The following NOL4L variants were observed in gnomAD, a reference collection of about 807,000 sequenced individuals.
The protein encoded by NOL4L is nucleolar protein 4 like, also known as nucleolar protein 4-like.
NOL4L carries 7 observed loss-of-function variants against 64.5 expected under a neutral mutation model. The ratio of observed to expected loss-of-function variants is 0.11; its 90% CI spans 0.06 to 0.20. NOL4L has a LOEUF of 0.20. Ranked by LOEUF, NOL4L falls within the 10% of genes least tolerant of loss-of-function variation. NOL4L has a pLI of 1.00. For missense variants in NOL4L, 680 were observed against 967.1 expected, an observed-to-expected ratio of 0.70 and a Z score of 3.94; for synonymous variants, 413 against 401.0, an observed-to-expected ratio of 1.03 and a Z score of -0.36.
intron 1 of NOL4L, among the ~76,000 whole-genome samples, chr20:32,569,112 G>A (rs532796583): frequency 1.3e-5 from 2 of 152,242 alleles, no homozygotes; most frequent in East Asian, 3.9e-4. Context: ...ATGTTCATAA[G>A]GGCTCCAAAG....
At chr20:32,501,053 G>A (rs550454191) in intron 4 of NOL4L, among the ~76,000 whole-genome samples, 61 of 152,228 alleles carry the variant, frequency 4.0e-4, no homozygotes, top group African/African-American at 1.3e-3. Context: ...GGCTGCACAC[G>A]GTGCCTTCCT....
intron 2 of NOL4L, among the ~76,000 whole-genome samples, chr20:32,522,381 GTC>G (rs2017977217): frequency 6.6e-6 from 1 of 152,268 alleles, no homozygotes; most frequent in Non-Finnish European, 1.5e-5. Flanking sequence ...AAACCCCAGT[GTC>G]TCTGACTGGA....
intron 1 of NOL4L, among the ~76,000 whole-genome samples, chr20:32,575,697 C>T (rs1365242730): frequency 1.3e-5 from 2 of 152,226 alleles, no homozygotes; most frequent in Non-Finnish European, 2.9e-5. Flanking sequence ...CCTGCTAGTG[C>T]TCATGGCCTT....
chr20:32,454,597 CACCT>C (rs1319503888), intron 6 of NOL4L, among the ~76,000 whole-genome samples: 1 of 152,248 alleles, frequency 6.6e-6, no homozygotes, highest in African/African-American at 2.4e-5. Context: ...GCTCCCACAC[CACCT>C]GTCTCCTGCC....
chr20:32,461,373 C>A (rs1262585875), intron 5 of NOL4L, among the ~76,000 whole-genome samples: 1 of 151,578 alleles, frequency 6.6e-6, no homozygotes, highest in Non-Finnish European at 1.5e-5. Flanking sequence ...TCTCGGTAAG[C>A]CCAGCTCCCA....
chr20:32,490,956 C>G (rs547002446), intron 4 of NOL4L, among the ~76,000 whole-genome samples: 97 of 152,218 alleles, frequency 6.4e-4, no homozygotes, highest in African/African-American at 2.2e-3. Flanking sequence ...CAGACGGACT[C>G]GCCATCTTTT....
intron 4 of NOL4L, among the ~76,000 whole-genome samples, chr20:32,488,821 CTTT>C (rs2016285121): frequency 4.8e-4 from 15 of 31,146 alleles, no homozygotes; most frequent in African/African-American, 2.1e-3. Context: ...TTCTTTCTTT[CTTT>C]CTTTTTCTTT....
chr20:32,472,013 C>A (rs924142849), intron 5 of NOL4L, among the ~76,000 whole-genome samples: 4 of 152,176 alleles, frequency 2.6e-5, no homozygotes, highest in African/African-American at 9.7e-5. Flanking sequence ...TATAGCAACA[C>A]CAAACGGACC....
intron 3 of NOL4L, among the ~76,000 whole-genome samples, chr20:32,514,355 G>A (rs1008070263): frequency 1.3e-5 from 2 of 152,150 alleles, no homozygotes; most frequent in Non-Finnish European, 2.9e-5. Flanking sequence ...AGCTGGGCAT[G>A]GTGGCGCATG....
intron 1 of NOL4L, among the ~76,000 whole-genome samples, chr20:32,554,638 C>T (rs950788664): frequency 6.6e-6 from 1 of 152,120 alleles, no homozygotes; most frequent in Admixed American, 6.6e-5. Flanking sequence ...CCTGGGAAAC[C>T]CCCCAGGAAA....
chr20:32,580,668 G>C (rs563360882), intron 1 of NOL4L, among the ~76,000 whole-genome samples: 1 of 152,176 alleles, frequency 6.6e-6, no homozygotes, highest in African/African-American at 2.4e-5. Flanking sequence ...GCAGGTCCAC[G>C]GAGAAGCTAC....
chr20:32,522,209 G>A (rs1347193103), intron 2 of NOL4L, among the ~76,000 whole-genome samples: 2 of 152,242 alleles, frequency 1.3e-5, no homozygotes, highest in African/African-American at 2.4e-5. Flanking sequence ...CAGAGTCCAG[G>A]GGCCACTCTT....
chr20:32,509,779 GTT>G, intron 4 of NOL4L: 1 of 1,301,356 alleles, frequency 7.7e-7, no homozygotes, highest in Non-Finnish European at 1.0e-6. Flanking sequence ...ACCACTACTG[GTT>G]CTAGTGGTGA....
intron 4 of NOL4L, among the ~76,000 whole-genome samples, chr20:32,488,784 TTC>T (rs1568647702): frequency 0.022 from 1,004 of 45,786 alleles, 28 homozygotes; most frequent in African/African-American, 0.063. Flanking sequence ...CCTTCCTTCC[TTC>T]CTTCCTTTCT....
chr20:32,485,635 G>T (rs920917031), intron 4 of NOL4L: 8 of 402,784 alleles, frequency 2.0e-5, no homozygotes, highest in Non-Finnish European at 5.2e-6. Flanking sequence ...GTGATGTGGG[G>T]CAGGTGGGAG....
At chr20:32,504,657 T>C (rs1600776952) in intron 4 of NOL4L, among the ~76,000 whole-genome samples, 1 of 149,676 alleles carries the variant, frequency 6.7e-6, no homozygotes, top group Non-Finnish European at 1.5e-5. Context: ...CAGGCTGGAG[T>C]GAAGTGGCAT....
rs548965917 is a variant in NOL4L at position 32,539,668 on chromosome 20, T to C, written c.322-11755A>G. Reference sequence around the variant, plus strand: ...AGATGTAAATTTCTTGCGGTCTTTTTCCCTTCTGTCTCTCTTCTTAACTGG... The same window carrying C: ...AGATGTAAATTTCTTGCGGTCTTTTCCCCTTCTGTCTCTCTTCTTAACTGG... On this transcript the variant is annotated intron_variant, in intron 1 of 10. Coordinates refer to ENST00000621426, the MANE Select transcript of NOL4L (RefSeq NM_001256798.2). 4.1e-4 allele frequency among the ~76,000 whole-genome samples: 62 copies of C among 152,336 alleles called. 1 individual carries two copies. Among genetic ancestry groups the C allele is most frequent in the Non-Finnish European group, 7.4e-4 (50 of 68,024 alleles).
chr20:32,499,738 C>CAAAAAAAAAA (rs10692885), intron 4 of NOL4L, among the ~76,000 whole-genome samples: 38 of 51,322 alleles, frequency 7.4e-4, no homozygotes, highest in African/African-American at 3.0e-3. Flanking sequence ...GACCTTGTCT[C>CAAAAAAAAAA]AAAAAAAAAA....
intron 1 of NOL4L, among the ~76,000 whole-genome samples, chr20:32,540,565 A>G (rs145634420): frequency 6.6e-6 from 1 of 152,188 alleles, no homozygotes; most frequent in Non-Finnish European, 1.5e-5. Context: ...TCACTGATTC[A>G]ACAAATCCTT....
Sources: gnomAD v4.1 joint callset for allele counts (sites outside exome capture counted in the v4.1 genomes callset) on GRCh38, gnomAD v4.1.1 for gene constraint, MANE v1.5 for transcripts, NCBI Gene and HGNC (gene_info 2026-07-23, HGNC 2026-07-21) for gene names.